KCNIP4: variants seen among roughly 807,000 people sequenced by gnomAD.
KCNIP4 encodes potassium voltage-gated channel interacting protein 4, also known as Kv channel-interacting protein 4.
KCNIP4 carries 12 observed loss-of-function variants against 34.0 expected under a neutral mutation model. The observed-to-expected ratio is 0.35, with a 90% confidence interval of 0.23 to 0.57. The LOEUF is 0.57. Ranked by LOEUF, KCNIP4 falls within the 20% of genes least tolerant of loss-of-function variation. The pLI, the probability that KCNIP4 is intolerant of heterozygous loss-of-function variation, is 0.83. For missense variants in KCNIP4, 238 were observed against 311.7 expected, an observed-to-expected ratio of 0.76 and a Z score of 1.78; for synonymous variants, 124 against 102.2, an observed-to-expected ratio of 1.21 and a Z score of -1.29.
intron 1 of KCNIP4, among the ~76,000 whole-genome samples, chr4:21,576,840 A>T (rs1197877352): frequency 6.6e-6 from 1 of 152,156 alleles, no homozygotes; most frequent in African/African-American, 2.4e-5. Context: ...GGTTTTAACC[A>T]CTGTAGACTT....
chr4:21,336,818 C>T (rs895828296), intron 1 of KCNIP4, among the ~76,000 whole-genome samples: 6 of 152,088 alleles, frequency 3.9e-5, no homozygotes, highest in Admixed American at 2.0e-4. Context: ...TCCTACTTGA[C>T]TTTATGATGC....
intron 1 of KCNIP4, among the ~76,000 whole-genome samples, chr4:21,333,663 C>T (rs1266675762): frequency 1.3e-5 from 2 of 151,414 alleles, no homozygotes; most frequent in Non-Finnish European, 2.9e-5. Flanking sequence ...GACATTTAAC[C>T]ATTAAATTTT....
At chr4:20,841,288 T>A (rs188620898) in intron 3 of KCNIP4, among the ~76,000 whole-genome samples, 148 of 152,316 alleles carry the variant, frequency 9.7e-4, no homozygotes, top group African/African-American at 3.4e-3. Flanking sequence ...ACCTGTCATA[T>A]ACTAGACACA....
intron 1 of KCNIP4, among the ~76,000 whole-genome samples, chr4:21,601,448 C>T (rs911956232): frequency 6.6e-6 from 1 of 151,912 alleles, no homozygotes; most frequent in East Asian, 1.9e-4. Flanking sequence ...CTCGACCACT[C>T]CAACTTAAAT....
At chr4:21,934,577 G>A (rs1268610644) in intron 1 of KCNIP4, among the ~76,000 whole-genome samples, 1 of 151,994 alleles carries the variant, frequency 6.6e-6, no homozygotes, top group Non-Finnish European at 1.5e-5. Context: ...CAGTTCATTT[G>A]CTCTTTAACT....
rs1233340398 is a variant in KCNIP4 at position 20,850,685 on chromosome 4, A to G, written c.164-18T>C. 1 of 1,610,170 alleles carries G rather than the reference A, an allele frequency of 6.2e-7. No homozygotes were observed. Among genetic ancestry groups the G allele is most frequent in the Non-Finnish European group, 8.5e-7 (1 of 1,178,816 alleles). ...CACGCTGTCTGTGGAGGAAAACAAGAAAGAGTCTTAGGACCAGCCACTGCT... is the reference window on the plus strand; with the variant it reads ...CACGCTGTCTGTGGAGGAAAACAAGGAAGAGTCTTAGGACCAGCCACTGCT... On this transcript the variant is annotated intron_variant, in intron 2 of 8. Coordinates refer to ENST00000382152, the MANE Select transcript of KCNIP4 (RefSeq NM_025221.6).
At chr4:21,736,889 C>T (rs1408530299) in intron 1 of KCNIP4, among the ~76,000 whole-genome samples, 17 of 152,122 alleles carry the variant, frequency 1.1e-4, no homozygotes, top group Admixed American at 1.1e-3. Flanking sequence ...TCAGCTAGAA[C>T]AGAATTTTCC....
At chr4:20,964,526 G>C (rs962397528) in intron 1 of KCNIP4, among the ~76,000 whole-genome samples, 1 of 152,128 alleles carries the variant, frequency 6.6e-6, no homozygotes, top group Non-Finnish European at 1.5e-5. Flanking sequence ...TTTTGGGGGG[G>C]AGGTGGTAAT....
At chr4:21,735,073 G>T (rs115897005) in intron 1 of KCNIP4, among the ~76,000 whole-genome samples, 4,356 of 152,110 alleles carry the variant, frequency 0.029, 193 homozygotes, top group African/African-American at 0.099. Context: ...TAAGTCCTGA[G>T]AAATTCAACA....
intron 1 of KCNIP4, among the ~76,000 whole-genome samples, chr4:21,725,152 C>T (rs75689207): frequency 0.073 from 11,144 of 152,186 alleles, 509 homozygotes; most frequent in Middle Eastern, 0.14. Flanking sequence ...GTTAAGGCAT[C>T]ACAGATGCCT....
chr4:21,014,371 T>A (rs1466614325), intron 1 of KCNIP4, among the ~76,000 whole-genome samples: 2 of 152,198 alleles, frequency 1.3e-5, no homozygotes, highest in Admixed American at 6.5e-5. Flanking sequence ...TGGATGAGTC[T>A]CATCTTCTCC....
Position 21,131,154 on chromosome 4 carries a change from A to G in KCNIP4, c.62-248445T>C, listed in dbSNP as rs148445536. On this transcript the variant is annotated intron_variant, in intron 1 of 8. Coordinates refer to ENST00000382152, the MANE Select transcript of KCNIP4 (RefSeq NM_025221.6). ...TAATAACCAAAAAGCAAAAGCAATCATCAATGTCCATCAGCAGCAAAACGG... is the reference window on the plus strand; with the variant it reads ...TAATAACCAAAAAGCAAAAGCAATCGTCAATGTCCATCAGCAGCAAAACGG... 5.7e-3 allele frequency among the ~76,000 whole-genome samples: 868 copies of G among 152,308 alleles called. 6 individuals are homozygous for G. The highest frequency in any genetic ancestry group is 9.1e-3 in the Non-Finnish European group (621 of 68,030).
chr4:21,175,577 C>A (rs1276308562), intron 1 of KCNIP4, among the ~76,000 whole-genome samples: 1 of 152,076 alleles, frequency 6.6e-6, no homozygotes, highest in Admixed American at 6.6e-5. Context: ...TTGGAATATT[C>A]AAATTGCCAG....
intron 1 of KCNIP4, among the ~76,000 whole-genome samples, chr4:21,813,243 T>C (rs1375242318): frequency 1.3e-5 from 2 of 152,224 alleles, no homozygotes; most frequent in Non-Finnish European, 2.9e-5. Context: ...CAAGAGTTTC[T>C]AGCATCAGTT....
In KCNIP4 at chr4:21,862,909, CCAGAT is replaced by C. The variant is rs1407387371; in HGVS notation, c.61+85657_61+85661del. On this transcript the variant is annotated intron_variant, in intron 1 of 8. Coordinates refer to ENST00000382152, the MANE Select transcript of KCNIP4 (RefSeq NM_025221.6). The stretch of plus-strand genomic sequence containing the variant: ...CCGGGAGGCGGAGCTTGCAGTGAGC[CCAGAT>C]CGCGCCACTGCACTCCAGCCTGGGT... Among the ~76,000 whole-genome samples the C allele has an allele frequency of 1.1e-4, 17 of 149,730 alleles. No homozygotes were observed. In the Admixed American group the frequency reaches 1.2e-3, roughly 10 times the overall value.
intron 1 of KCNIP4, among the ~76,000 whole-genome samples, chr4:21,879,660 C>T (rs938327442): frequency 7.9e-5 from 12 of 152,172 alleles, no homozygotes; most frequent in Non-Finnish European, 1.6e-4. Context: ...TTAAAGACAA[C>T]CAATTTTTCC....
At chr4:21,360,657 C>A (rs977588455) in intron 1 of KCNIP4, among the ~76,000 whole-genome samples, 1 of 152,134 alleles carries the variant, frequency 6.6e-6, no homozygotes, top group South Asian at 2.1e-4. Flanking sequence ...CAAACAGCCT[C>A]TAATGGAAAA....
chr4:21,925,862 G>C (rs1241619968), intron 1 of KCNIP4, among the ~76,000 whole-genome samples: 3 of 152,126 alleles, frequency 2.0e-5, no homozygotes, highest in African/African-American at 7.2e-5. Context: ...GAAATTTGTT[G>C]AATTAATAAA....
chr4:20,936,248 A>G (rs995532469), intron 1 of KCNIP4, among the ~76,000 whole-genome samples: 4 of 152,192 alleles, frequency 2.6e-5, no homozygotes, highest in Admixed American at 1.3e-4. Context: ...TCCTGAGCCT[A>G]TAACAGGATT....
Sources: allele counts gnomAD v4.1 joint callset (sites outside exome capture counted in the v4.1 genomes callset), GRCh38; gene constraint gnomAD v4.1.1; transcripts MANE v1.5; gene names NCBI Gene and HGNC (gene_info 2026-07-23, HGNC 2026-07-21).